Variants in KLHL2 observed in about 807,000 individuals in gnomAD.
KLHL2 encodes the protein kelch-like protein 2.
KLHL2 carries 15 observed loss-of-function variants against 75.8 expected under a neutral mutation model. The observed-to-expected ratio is 0.20, with a 90% CI of 0.13 to 0.30. The LOEUF (loss-of-function observed/expected upper bound fraction) is 0.30, where lower values mean the gene tolerates loss of function less well. Among genes scored for constraint, KLHL2 ranks in the 10% least tolerant of loss-of-function variants. KLHL2 has a pLI of 1.00. For synonymous variants in KLHL2, 214 were observed against 251.9 expected, an observed-to-expected ratio of 0.85 and a Z score of 1.42; for missense variants, 381 against 741.0, an observed-to-expected ratio of 0.51 and a Z score of 5.64.
intron 3 of KLHL2, among the ~76,000 whole-genome samples, chr4:165,236,425 C>G (rs1739352914): frequency 6.6e-6 from 1 of 152,056 alleles, no homozygotes; most frequent in Non-Finnish European, 1.5e-5. Context: ...CTGTGTTGCC[C>G]AGGCTAGTCT....
chr4:165,239,829 T>C (rs1739665495), intron 4 of KLHL2, among the ~76,000 whole-genome samples: 1 of 152,242 alleles, frequency 6.6e-6, no homozygotes, highest in South Asian at 2.1e-4. Context: ...TGTGAATCCC[T>C]TCAGACTGTT....
rs879051718 is a variant in KLHL2, at chr4:165,311,337, G to A, written c.1238-127G>A. On this transcript the variant is annotated intron_variant, in intron 10 of 14. Coordinates refer to ENST00000226725, the MANE Select transcript of KLHL2 (RefSeq NM_007246.4). ...TACCTGTTTTTCATGTAATTGCTGT[G>A]TTTATGTTCCACCATTTTCTTCTCT... 3.8e-5 allele frequency: 24 copies of A among 639,494 alleles called. No homozygotes were observed. The South Asian group carries it at 5.1e-4, about 14-fold the overall frequency. The allele number at this position is 639,494 out of a possible 1,614,324, so 39.6% of individuals were successfully genotyped here.
At chr4:165,311,861 TGTGTGTGTTTGACTTATATAACAC>T (rs1364721459) in intron 11 of KLHL2, among the ~76,000 whole-genome samples, 3 of 148,842 alleles carry the variant, frequency 2.0e-5, no homozygotes, top group South Asian at 2.1e-4. Context: ...CTTATATAAC[TGTGTGTGTTTGACTTATATAACAC>T]GTGTGTGTTT....
chr4:165,238,878 G>A lies in KLHL2; in HGVS notation c.360G>A (p.Gln120=). The A allele has an allele frequency of 1.2e-6, 2 of 1,613,760 alleles. No homozygotes were observed. Among genetic ancestry groups the A allele is most frequent in the Non-Finnish European group, 1.7e-6 (2 of 1,179,962 alleles). The change falls in exon 4 of 15, where the codon CAG becomes CAA. Residue 120 remains glutamine (Q), a synonymous_variant. Coordinates refer to ENST00000226725, the MANE Select transcript of KLHL2 (RefSeq NM_007246.4). The part of the protein sequence containing the change: ...LIDYVYTAEI[Q]VTEENVQVLL... ...ATTATGTTTACACTGCAGAAATTCA[G>A]GTTACAGAAGAAAATGTACAGGTAA... is the stretch of plus-strand genomic sequence containing the variant.
At chr4:165,238,093 AAATG>A (rs1739501280) in intron 3 of KLHL2, among the ~76,000 whole-genome samples, 1 of 152,220 alleles carries the variant, frequency 6.6e-6, no homozygotes, top group Admixed American at 6.5e-5. Flanking sequence ...GCTGGTATGG[AAATG>A]ACTTCAGCGT....
intron 9 of KLHL2, among the ~76,000 whole-genome samples, chr4:165,306,012 A>G (rs943027489): frequency 2.6e-5 from 4 of 152,154 alleles, no homozygotes; most frequent in Non-Finnish European, 5.9e-5. Flanking sequence ...TGAGAGGGGA[A>G]TTCTTTAGGT....
At chr4:165,264,415 C>G (rs565650374) in intron 5 of KLHL2, among the ~76,000 whole-genome samples, 88 of 151,744 alleles carry the variant, frequency 5.8e-4, no homozygotes, top group Non-Finnish European at 1.1e-3. Flanking sequence ...TTATACCACT[C>G]TGTCTGCCTT....
At chr4:165,242,057 T>C (rs902034273) in intron 4 of KLHL2, among the ~76,000 whole-genome samples, 40 of 152,324 alleles carry the variant, frequency 2.6e-4, no homozygotes, top group African/African-American at 9.1e-4. Flanking sequence ...GGATATTTGG[T>C]TTTATTTATG....
At chr4:165,228,098 A>C (rs559721967) in intron 2 of KLHL2, among the ~76,000 whole-genome samples, 1 of 152,342 alleles carries the variant, frequency 6.6e-6, no homozygotes, top group Admixed American at 6.5e-5. Context: ...GGGTTTCGCC[A>C]TGTTGGCCAG....
chr4:165,264,274 G>A (rs780156244), intron 5 of KLHL2, among the ~76,000 whole-genome samples: 3 of 150,774 alleles, frequency 2.0e-5, no homozygotes, highest in Non-Finnish European at 3.0e-5. Context: ...TTACATGAAT[G>A]ACTTGTATAG....
At chr4:165,295,495 A>T (rs1281176111) in intron 6 of KLHL2, among the ~76,000 whole-genome samples, 1 of 152,156 alleles carries the variant, frequency 6.6e-6, no homozygotes, top group Non-Finnish European at 1.5e-5. Context: ...AGAGAAGAGA[A>T]GATTAGCAGA....
At chr4:165,262,564 G>A (rs905749624) in intron 4 of KLHL2, among the ~76,000 whole-genome samples, 3 of 151,888 alleles carry the variant, frequency 2.0e-5, no homozygotes, top group Non-Finnish European at 4.4e-5. Flanking sequence ...AATAATTTAC[G>A]GGCTTTTGTT....
intron 4 of KLHL2, among the ~76,000 whole-genome samples, chr4:165,249,316 A>G (rs1044123201): frequency 3.3e-5 from 5 of 152,242 alleles, no homozygotes; most frequent in Non-Finnish European, 5.9e-5. Flanking sequence ...AACCAAAATG[A>G]TCTTAAACTA....
intron 5 of KLHL2, among the ~76,000 whole-genome samples, chr4:165,286,877 C>A (rs938959056): frequency 1.3e-5 from 2 of 152,096 alleles, no homozygotes; most frequent in African/African-American, 2.4e-5. Flanking sequence ...TATAGCAACA[C>A]TTCCTTTCTC....
At chr4:165,293,969 A>G (rs1190845452) in intron 5 of KLHL2, among the ~76,000 whole-genome samples, 3 of 152,228 alleles carry the variant, frequency 2.0e-5, no homozygotes, top group East Asian at 1.9e-4. Flanking sequence ...GGATATGACA[A>G]TATGACATCA....
chr4:165,271,139 T>A (rs58928305), intron 5 of KLHL2, among the ~76,000 whole-genome samples: 4 of 147,902 alleles, frequency 2.7e-5, no homozygotes, highest in South Asian at 2.1e-4. Context: ...TGGGCCTTTT[T>A]AAAAAAATTC....
intron 5 of KLHL2, among the ~76,000 whole-genome samples, chr4:165,291,851 A>G (rs1744538943): frequency 1.3e-5 from 2 of 151,766 alleles, no homozygotes; most frequent in Non-Finnish European, 2.9e-5. Context: ...TTTTAAAGAG[A>G]CAAGCCGTTA....
intron 5 of KLHL2, among the ~76,000 whole-genome samples, chr4:165,265,818 T>G (rs1245179476): frequency 6.6e-6 from 1 of 152,220 alleles, no homozygotes; most frequent in Non-Finnish European, 1.5e-5. Context: ...TGATATATAA[T>G]GCTTTGGGTA....
At chr4:165,230,942 G>A (rs1255514390) in intron 3 of KLHL2, among the ~76,000 whole-genome samples, 2 of 152,194 alleles carry the variant, frequency 1.3e-5, no homozygotes, top group Non-Finnish European at 2.9e-5. Flanking sequence ...TATTTATAGT[G>A]TATTACAACT....
Sources: gnomAD v4.1 joint callset for allele counts (sites outside exome capture counted in the v4.1 genomes callset) on GRCh38, gnomAD v4.1.1 for gene constraint, MANE v1.5 for transcripts, NCBI Gene and HGNC (gene_info 2026-07-23, HGNC 2026-07-21) for gene names.